The following DLG2 variants were observed in gnomAD, a reference collection of about 807,000 sequenced individuals.
The protein encoded by DLG2 is disks large homolog 2.
DLG2 carries 45 observed loss-of-function variants against 132.5 expected under a neutral mutation model. That is an observed-to-expected ratio of 0.34 (90% confidence interval 0.27 to 0.44). The LOEUF (loss-of-function observed/expected upper bound fraction) is 0.44, where lower values mean the gene tolerates loss of function less well. Ranked by LOEUF, DLG2 falls within the 20% of genes least tolerant of loss-of-function variation. The pLI, the probability that DLG2 is intolerant of heterozygous loss-of-function variation, is 1.00. For synonymous variants in DLG2, 424 were observed against 419.6 expected (o/e 1.01, Z -0.13); for missense variants, 1,045 against 1,196.9 (o/e 0.87, Z 1.87).
At chr11:85,223,366 G>A (rs1272446733) in intron 4 of DLG2, among the ~76,000 whole-genome samples, 1 of 152,098 alleles carries the variant, frequency 6.6e-6, no homozygotes, top group African/African-American at 2.4e-5. Context: ...GAGCATGGTG[G>A]CTTACACCTG....
At chr11:84,912,081 G>A (rs2092111363) in intron 6 of DLG2, among the ~76,000 whole-genome samples, 1 of 152,164 alleles carries the variant, frequency 6.6e-6, no homozygotes, top group Non-Finnish European at 1.5e-5. Context: ...GCCAGTTTGA[G>A]ATAACCACCA....
chr11:84,153,325 G>T (rs370191725), intron 9 of DLG2, among the ~76,000 whole-genome samples: 1 of 152,082 alleles, frequency 6.6e-6, no homozygotes, highest in South Asian at 2.1e-4. Flanking sequence ...CTTGGGGTTG[G>T]TCATCTTGTA....
At chr11:84,840,210 G>A (rs1035340661) in intron 6 of DLG2, among the ~76,000 whole-genome samples, 4 of 152,138 alleles carry the variant, frequency 2.6e-5, no homozygotes, top group South Asian at 2.1e-4. Context: ...AAAAGAAGAC[G>A]TTTATGCAGC....
chr11:83,653,959 A>G (rs2071471010), intron 18 of DLG2, among the ~76,000 whole-genome samples: 1 of 152,122 alleles, frequency 6.6e-6, no homozygotes, highest in South Asian at 2.1e-4. Context: ...ACCTCAAGTG[A>G]TCTGCCTGCC....
intron 7 of DLG2, among the ~76,000 whole-genome samples, chr11:84,513,841 T>A (rs1197847617): frequency 1.4e-5 from 2 of 147,860 alleles, no homozygotes; most frequent in African/African-American, 5.0e-5. Flanking sequence ...AATGCACAAA[T>A]GGGAATCACA....
Position 84,424,239 on chromosome 11 carries a change from G to A in DLG2, c.519+110331C>T, listed in dbSNP as rs557830540. ...ACTGCTCAGTGACAGTGAAACTCAA[G>A]GTTGCTATATTAGGGCAGAAATGTG... is the stretch of plus-strand genomic sequence containing the variant. On this transcript the variant is annotated intron_variant, in intron 7 of 27. Coordinates refer to ENST00000376104, the MANE Select transcript of DLG2 (RefSeq NM_001142699.3). Among the ~76,000 whole-genome samples the A allele has an allele frequency of 7.2e-4, 110 of 152,220 alleles. 1 individual carries two copies. The highest frequency in any genetic ancestry group is 2.6e-3 in the African/African-American group (109 of 41,546).
intron 20 of DLG2, among the ~76,000 whole-genome samples, chr11:83,536,484 A>G (rs979398371): frequency 2.0e-5 from 3 of 151,554 alleles, no homozygotes; most frequent in Non-Finnish European, 4.4e-5. Flanking sequence ...CCTCTCTCCT[A>G]GCTCTTTCTG....
chr11:84,128,186 G>T (rs573343257), intron 9 of DLG2, among the ~76,000 whole-genome samples: 1 of 152,226 alleles, frequency 6.6e-6, no homozygotes, highest in Admixed American at 6.5e-5. Context: ...GGATAAGTAG[G>T]AAGAAGGTGT....
intron 7 of DLG2, among the ~76,000 whole-genome samples, chr11:84,397,583 T>C (rs2098815142): frequency 6.6e-6 from 1 of 152,204 alleles, no homozygotes; most frequent in Non-Finnish European, 1.5e-5. Context: ...AGTCAACTGA[T>C]GAAAGTGGTA....
intron 6 of DLG2, among the ~76,000 whole-genome samples, chr11:85,097,116 C>A (rs2069965019): frequency 6.6e-6 from 1 of 152,174 alleles, no homozygotes; most frequent in Admixed American, 6.5e-5. Flanking sequence ...GCCTGTCAGA[C>A]AAACTTCCTC....
intron 6 of DLG2, among the ~76,000 whole-genome samples, chr11:84,618,009 T>G (rs775110832): frequency 9.2e-5 from 14 of 152,056 alleles, no homozygotes; most frequent in Admixed American, 2.0e-4. Context: ...TCTTGGGGGC[T>G]TAAAGAACAC....
At chr11:84,403,823 A>G (rs2098839126) in intron 7 of DLG2, among the ~76,000 whole-genome samples, 1 of 152,046 alleles carries the variant, frequency 6.6e-6, no homozygotes, top group South Asian at 2.1e-4. Flanking sequence ...CCTCCTAAAT[A>G]TTGGTCTTCT....
chr11:85,239,452 A>C (rs1764828112), intron 4 of DLG2, among the ~76,000 whole-genome samples: 1 of 152,056 alleles, frequency 6.6e-6, no homozygotes, highest in Non-Finnish European at 1.5e-5. Flanking sequence ...TTATTCATTC[A>C]TGACATACCT....
intron 6 of DLG2, among the ~76,000 whole-genome samples, chr11:85,104,035 T>C (rs2071303930): frequency 6.6e-6 from 1 of 151,942 alleles, no homozygotes; most frequent in Admixed American, 6.6e-5. Flanking sequence ...ATTAGGATTG[T>C]TATAATACAA....
intron 21 of DLG2, among the ~76,000 whole-genome samples, chr11:83,504,508 T>C (rs2094595681): frequency 6.6e-6 from 1 of 152,216 alleles, no homozygotes; most frequent in Non-Finnish European, 1.5e-5. Context: ...TGTAACTTCC[T>C]TTTTAGCCTG....
chr11:85,588,125 G>A (rs2079083298), intron 3 of DLG2, among the ~76,000 whole-genome samples: 2 of 152,140 alleles, frequency 1.3e-5, no homozygotes, highest in Admixed American at 1.3e-4. Context: ...CACAGCTCTT[G>A]AGATTCTTTC....
At chr11:85,095,851 T>G (rs2069642477) in intron 6 of DLG2, among the ~76,000 whole-genome samples, 1 of 152,166 alleles carries the variant, frequency 6.6e-6, no homozygotes, top group Admixed American at 6.5e-5. Flanking sequence ...CTTGGCATGT[T>G]CACTCCCAAA....
At chr11:84,360,950 TATAAAG>T (rs1204176151) in intron 7 of DLG2, among the ~76,000 whole-genome samples, 2 of 151,580 alleles carry the variant, frequency 1.3e-5, no homozygotes, top group Non-Finnish European at 2.9e-5. Flanking sequence ...AAATGAAACA[TATAAAG>T]ATAAAAAAAG....
intron 6 of DLG2, among the ~76,000 whole-genome samples, chr11:84,750,032 A>G (rs1268693794): frequency 1.3e-5 from 2 of 152,202 alleles, no homozygotes; most frequent in African/African-American, 4.8e-5. Context: ...ACATTTCTAT[A>G]CAATTTGGCT....
Sources: gnomAD v4.1 joint callset for allele counts (sites outside exome capture counted in the v4.1 genomes callset) on GRCh38, gnomAD v4.1.1 for gene constraint, MANE v1.5 for transcripts, NCBI Gene and HGNC (gene_info 2026-07-23, HGNC 2026-07-21) for gene names.